The following CSNK1G3 variants were observed in gnomAD, a reference collection of about 807,000 sequenced individuals.
The protein encoded by CSNK1G3 is casein kinase 1 gamma 3, also known as casein kinase I isoform gamma-3.
Under a neutral mutation model 64.3 loss-of-function variants are expected in CSNK1G3, and 23 were observed. The ratio of observed to expected loss-of-function variants is 0.36; its 90% CI spans 0.26 to 0.51. CSNK1G3 has a LOEUF of 0.51. CSNK1G3 is among the 20% of genes least tolerant of loss of function. The pLI, the probability that CSNK1G3 is intolerant of heterozygous loss-of-function variation, is 0.96. For missense variants in CSNK1G3, 357 were observed against 510.5 expected (o/e 0.70, Z 2.90); for synonymous variants, 158 against 162.2 (o/e 0.97, Z 0.20).
intron 2 of CSNK1G3, among the ~76,000 whole-genome samples, chr5:123,546,231 G>A (rs922064951): frequency 6.6e-6 from 1 of 152,116 alleles, no homozygotes; most frequent in Non-Finnish European, 1.5e-5. Context: ...TTAAAGTCAA[G>A]TTAATATACT....
chr5:123,538,185 GT>G (rs1312830760), intron 1 of CSNK1G3, among the ~76,000 whole-genome samples: 2 of 152,038 alleles, frequency 1.3e-5, no homozygotes, highest in Admixed American at 6.6e-5. Context: ...ATTTCCTTGG[GT>G]AAACATCTAA....
chr5:123,526,411 G>A (rs1044661006), intron 1 of CSNK1G3, among the ~76,000 whole-genome samples: 3 of 151,818 alleles, frequency 2.0e-5, no homozygotes, highest in Non-Finnish European at 4.4e-5. Context: ...TTAGTGGGTG[G>A]CCAGACAGTT....
chr5:123,573,906 G>A (rs916988808), intron 5 of CSNK1G3, among the ~76,000 whole-genome samples: 1 of 151,028 alleles, frequency 6.6e-6, no homozygotes, highest in Non-Finnish European at 1.5e-5. Context: ...GCGGAGAGCG[G>A]TGGCGAGATC....
At chr5:123,608,801 G>A (rs1795807006) in intron 12 of CSNK1G3, among the ~76,000 whole-genome samples, 1 of 152,134 alleles carries the variant, frequency 6.6e-6, no homozygotes, top group African/African-American at 2.4e-5. Context: ...CTGGTTATCA[G>A]TATTTTTAAA....
intron 10 of CSNK1G3, among the ~76,000 whole-genome samples, chr5:123,604,507 C>T (rs538927341): frequency 1.3e-5 from 2 of 152,024 alleles, no homozygotes; most frequent in African/African-American, 4.8e-5. Flanking sequence ...AGTTGAAAAG[C>T]GCATATTAGA....
intron 10 of CSNK1G3, among the ~76,000 whole-genome samples, chr5:123,596,541 T>C (rs987830543): frequency 2.0e-5 from 3 of 152,178 alleles, no homozygotes; most frequent in Admixed American, 1.3e-4. Flanking sequence ...CTTACTCTTA[T>C]GTGATTCCTT....
At chr5:123,582,427 A>G (rs1312441963) in intron 6 of CSNK1G3, among the ~76,000 whole-genome samples, 5 of 152,134 alleles carry the variant, frequency 3.3e-5, no homozygotes, top group Non-Finnish European at 2.9e-5. Flanking sequence ...AACTGTTTTC[A>G]GTGTAGCTGT....
chr5:123,540,724 C>T (rs1781545746), intron 1 of CSNK1G3, among the ~76,000 whole-genome samples: 1 of 152,140 alleles, frequency 6.6e-6, no homozygotes, highest in South Asian at 2.1e-4. Flanking sequence ...CCTCCGCCTC[C>T]CAGGTTCAAT....
chr5:123,560,557 T>G (rs1235233928), intron 4 of CSNK1G3, among the ~76,000 whole-genome samples: 1 of 152,158 alleles, frequency 6.6e-6, no homozygotes, highest in Admixed American at 6.5e-5. Context: ...CTAGGTGTGG[T>G]GGCTCACGCC....
At chr5:123,536,468 A>G (rs896124242) in intron 1 of CSNK1G3, among the ~76,000 whole-genome samples, 13 of 149,186 alleles carry the variant, frequency 8.7e-5, no homozygotes, top group Non-Finnish European at 1.6e-4. Context: ...AAAGCTAGAT[A>G]GGAGGAATTA....
intron 1 of CSNK1G3, among the ~76,000 whole-genome samples, chr5:123,525,308 G>GT: frequency 6.9e-6 from 1 of 144,322 alleles, no homozygotes; most frequent in African/African-American, 2.6e-5. Context: ...TACACCAGTT[G>GT]TTTGCATTTT....
At chr5:123,580,105 A>C (rs966518367) in intron 6 of CSNK1G3, among the ~76,000 whole-genome samples, 1 of 151,940 alleles carries the variant, frequency 6.6e-6, no homozygotes, top group African/African-American at 2.4e-5. Flanking sequence ...CAGAGAAAAC[A>C]TGACCTTTTA....
chr5:123,611,023 CA>C (rs1429621985), intron 12 of CSNK1G3, among the ~76,000 whole-genome samples: 2 of 152,058 alleles, frequency 1.3e-5, no homozygotes, highest in African/African-American at 2.4e-5. Context: ...TAAGTTATTA[CA>C]GAAAAATAAA....
chr5:123,544,284 C>T (rs578255069), intron 1 of CSNK1G3, among the ~76,000 whole-genome samples: 8 of 152,266 alleles, frequency 5.3e-5, no homozygotes, highest in Admixed American at 3.3e-4. Flanking sequence ...TGTTTTCCTA[C>T]TTTTTCTAAT....
chr5:123,573,428 G>T, exon 5 of CSNK1G3: 1 of 1,613,952 alleles, frequency 6.2e-7, no homozygotes, highest in Non-Finnish European at 8.5e-7. Flanking sequence ...CGGCCCTTGT[G>T]GTAAATACAA....
intron 5 of CSNK1G3, among the ~76,000 whole-genome samples, chr5:123,574,007 G>A (rs1485034948): frequency 1.3e-5 from 2 of 151,880 alleles, no homozygotes; most frequent in African/African-American, 2.4e-5. Flanking sequence ...ATGCCACTAC[G>A]CCCGACCAAT....
chr5:123,524,485 A>T (rs1561451875), intron 1 of CSNK1G3, among the ~76,000 whole-genome samples: 1 of 152,264 alleles, frequency 6.6e-6, no homozygotes, highest in East Asian at 1.9e-4. Context: ...TGTGGTTGCA[A>T]TCCCTCTGTT....
chr5:123,582,106 A>G (rs756309825), intron 6 of CSNK1G3, among the ~76,000 whole-genome samples: 2 of 152,134 alleles, frequency 1.3e-5, no homozygotes, highest in Non-Finnish European at 2.9e-5. Flanking sequence ...TGAGTTAACG[A>G]AAAAGGGAAT....
intron 12 of CSNK1G3, 119 bp downstream of exon 13, chr5:123,605,481 G>A (rs1171229486): frequency 2.7e-6 from 3 of 1,110,274 alleles, no homozygotes; most frequent in Non-Finnish European, 1.3e-6. Context: ...ATTGGTAAAA[G>A]TTATTCAAAA....
Sources: allele counts gnomAD v4.1 joint callset (sites outside exome capture counted in the v4.1 genomes callset), GRCh38; gene constraint gnomAD v4.1.1; transcripts MANE v1.5; gene names NCBI Gene and HGNC (gene_info 2026-07-23, HGNC 2026-07-21).